Variants in LIN28A observed in about 807,000 individuals in gnomAD.
LIN28A encodes lin-28 RNA binding posttranscriptional regulator A.
Under a neutral mutation model 21.1 loss-of-function variants are expected in LIN28A, and 11 were observed. The ratio of observed to expected loss-of-function variants is 0.52; its 90% CI spans 0.33 to 0.86. The LOEUF is 0.86. Ranked by LOEUF, LIN28A falls within the 40% of genes least tolerant of loss-of-function variation. The pLI, the probability that LIN28A is intolerant of heterozygous loss-of-function variation, is 0.03. For synonymous variants in LIN28A, 111 were observed against 108.7 expected, an observed-to-expected ratio of 1.02 and a Z score of -0.13; for missense variants, 219 against 279.8, an observed-to-expected ratio of 0.78 and a Z score of 1.55.
rs567862344 is a variant in LIN28A, at chr1:26,411,549, G to T, written c.195G>T (p.Ala65=). ...FLSMTARAGV[A]LDPPVDVFVH... ...CCATGACCGCCCGCGCCGGGGTCGC[G>T]CTCGACCCCCCAGTGGATGTCTTTG... The change falls in exon 2 of 4, where the codon GCG becomes GCT. Residue 65 remains alanine (A), a synonymous_variant. Transcript: ENST00000326279. This position sits in a 1 kb window ranked among gnomAD's most constrained non-coding sequence, Gnocchi z 5.4. 5 of 1,613,670 alleles carry T rather than the reference G, an allele frequency of 3.1e-6. No individual in the cohort carries two copies. The East Asian group carries it at 6.7e-5, about 22-fold the overall frequency.
At chr1:26,414,006 T>C (rs1446786842) in intron 2 of LIN28A, among the ~76,000 whole-genome samples, 1 of 151,922 alleles carries the variant, frequency 6.6e-6, no homozygotes, top group African/African-American at 2.4e-5. Context: ...TTTTTGTATT[T>C]TTAGTAAAGA....
intron 2 of LIN28A, 123 bp from the exon 3 acceptor site, chr1:26,425,180 T>G: frequency 2.2e-6 from 2 of 923,066 alleles, no homozygotes; most frequent in South Asian, 3.5e-5. Flanking sequence ...TGAGTCAGTT[T>G]CCTTACCAGT....
intron 2 of LIN28A, among the ~76,000 whole-genome samples, chr1:26,414,462 A>C (rs1021948827): frequency 3.3e-5 from 5 of 152,266 alleles, no homozygotes; most frequent in Non-Finnish European, 7.4e-5. Flanking sequence ...CCTGTTAACT[A>C]ATGTTCTTAT....
intron 2 of LIN28A, among the ~76,000 whole-genome samples, chr1:26,422,010 C>CTT (rs35658483): frequency 0.44 from 62,434 of 142,800 alleles, 15,100 homozygotes; most frequent in Admixed American, 0.54. Flanking sequence ...GAATATTTAT[C>CTT]TTTTTTTTTT....
intron 2 of LIN28A, among the ~76,000 whole-genome samples, chr1:26,417,203 G>C (rs189519724): frequency 1.2e-4 from 18 of 152,332 alleles, no homozygotes; most frequent in South Asian, 2.1e-4. Context: ...CAGACAGGCT[G>C]AGCAGCGCCA....
At chr1:26,417,466 A>G (rs1037373729) in intron 2 of LIN28A, among the ~76,000 whole-genome samples, 1 of 152,250 alleles carries the variant, frequency 6.6e-6, no homozygotes, top group African/African-American at 2.4e-5. Context: ...AATCATTAAA[A>G]TTACTTTCAT....
rs777052489 is a variant in LIN28A at position 26,411,525 on chromosome 1, C to T, written c.171C>T (p.Ser57=). The T allele has an allele frequency of 6.2e-7, 1 of 1,614,068 alleles. No homozygotes were observed. The highest frequency in any genetic ancestry group is 1.1e-5 in the South Asian group (1 of 91,084). The change falls in exon 2 of 4, where the codon TCC becomes TCT. Residue 57 remains serine (S), a synonymous_variant. Coordinates refer to ENST00000326279, the MANE Select transcript of LIN28A (RefSeq NM_024674.6). The surrounding 1 kb of genome is among the most constrained non-coding windows in gnomAD (Gnocchi z 5.4). ...FNVRMGFGFL[S]MTARAGVALD... is the part of the protein sequence containing the mutation. ...TGCGCATGGGGTTCGGCTTCCTGTC[C>T]ATGACCGCCCGCGCCGGGGTCGCGC...
chr1:26,425,195 T>C, intron 2 of LIN28A, 108 bp from the exon 3 acceptor site: 3 of 1,066,128 alleles, frequency 2.8e-6, no homozygotes, highest in East Asian at 2.5e-5. Context: ...ACCAGTAAAA[T>C]AGGAGTACCA....
rs1201016616 is a variant in LIN28A at position 26,423,420 on chromosome 1, T to TTC, written c.229-1882_229-1881insCT. Among the ~76,000 whole-genome samples the TTC allele has an allele frequency of 4.7e-5, 5 of 105,976 alleles. No homozygotes were observed. The East Asian group carries it at 1.1e-3, about 24-fold the overall frequency. 69.5% of individuals were successfully genotyped at this position (105,976 alleles called of 152,430 possible). On this transcript the variant is annotated intron_variant, in intron 2 of 3. Transcript: ENST00000326279. ...TTCCTTTTTTTTCTTTTTCTTTTTTTTTTTTTTTTTTTTTTTGTTGTTGTT... is the reference window on the plus strand; with the variant it reads ...TTCCTTTTTTTTCTTTTTCTTTTTTTTCTTTTTTTTTTTTTTTTGTTGTTGTT...
chr1:26,422,724 T>C (rs983349650), intron 2 of LIN28A, among the ~76,000 whole-genome samples: 6 of 152,212 alleles, frequency 3.9e-5, no homozygotes, highest in African/African-American at 1.4e-4. Flanking sequence ...TTGCTGTTTT[T>C]CCCTTTGTAG....
At chr1:26,415,162 G>C (rs546625422) in intron 2 of LIN28A, among the ~76,000 whole-genome samples, 1 of 152,146 alleles carries the variant, frequency 6.6e-6, no homozygotes, top group Non-Finnish European at 1.5e-5. Context: ...AGAAGACTTG[G>C]AGTCAAAAGC....
chr1:26,413,594 G>C (rs1316887901), intron 2 of LIN28A, among the ~76,000 whole-genome samples: 1 of 152,022 alleles, frequency 6.6e-6, no homozygotes, highest in Non-Finnish European at 1.5e-5. Context: ...AGGGAGCTGA[G>C]CTGGAAGAGA....
At position 26,411,721 on chromosome 1, in the gene LIN28A, A is replaced by G. The variant is rs1008971294; in HGVS notation, c.228+139A>G. 1.5e-5 allele frequency: 12 copies of G among 796,980 alleles called. No individual in the cohort carries two copies. The highest frequency in any genetic ancestry group is 1.1e-4 in the East Asian group (4 of 35,852). The allele number at this position is 796,980 out of a possible 1,614,324, so 49.4% of individuals were successfully genotyped here. A position where few individuals can be genotyped will look rare whatever the true frequency, so the allele number is the denominator to read the frequency against. On this transcript the variant is annotated intron_variant, in intron 2 of 3. Transcript: ENST00000326279. The surrounding 1 kb of genome is among the most constrained non-coding windows in gnomAD (Gnocchi z 5.4). ...TCCCTGTCTTTGCTTCGGCACCCCAATTCTGAGTCCCTGTTAACTATCTCG... is the reference window on the plus strand; with the variant it reads ...TCCCTGTCTTTGCTTCGGCACCCCAGTTCTGAGTCCCTGTTAACTATCTCG...
rs542346450 is a variant in LIN28A at position 26,411,188 on chromosome 1, G to A, written c.32-198G>A. On this transcript the variant is annotated intron_variant, in intron 1 of 3. Transcript: ENST00000326279. This position sits in a 1 kb window ranked among gnomAD's most constrained non-coding sequence, Gnocchi z 5.4. ...TGTGGGAAGAGGAGCAAAACTTTCG[G>A]GGCACTACTGTCCCGGTGTACGCTA... Among the ~76,000 whole-genome samples, 7 of 152,358 alleles carry A rather than the reference G, an allele frequency of 4.6e-5. No individual in the cohort carries two copies. The highest frequency in any genetic ancestry group is 1.7e-4 in the African/African-American group (7 of 41,580).
At position 26,429,308 on chromosome 1, in the gene LIN28A, A is replaced by C. The variant is rs1459249133; in HGVS notation, c.*2850A>C. On this transcript the variant is annotated 3_prime_UTR_variant, in exon 4 of 4. Coordinates refer to ENST00000326279, the MANE Select transcript of LIN28A (RefSeq NM_024674.6). The stretch of plus-strand genomic sequence containing the variant: ...TGGGGTCAGGAGGCCAAGAAAGGGA[A>C]TATGAATGTATATCCAAGTCACTCA... 3 of 152,694 alleles carry C rather than the reference A, an allele frequency of 2.0e-5. No homozygotes were observed. The highest frequency in any genetic ancestry group is 4.4e-5 in the Non-Finnish European group (3 of 68,082). 9.5% of individuals were successfully genotyped at this position (152,694 alleles called of 1,614,324 possible).
chr1:26,419,589 C>T (rs1175410455), intron 2 of LIN28A, among the ~76,000 whole-genome samples: 1 of 152,136 alleles, frequency 6.6e-6, no homozygotes, highest in Non-Finnish European at 1.5e-5. Flanking sequence ...ACCCACGCCA[C>T]CCAGTGTGAA....
intron 2 of LIN28A, among the ~76,000 whole-genome samples, chr1:26,422,071 T>C (rs1275641882): frequency 6.6e-6 from 1 of 151,838 alleles, no homozygotes; most frequent in African/African-American, 2.4e-5. Flanking sequence ...CACAGTTGTG[T>C]GATCTCTGCT....
chr1:26,424,565 CTTTTA>C lies in LIN28A; in HGVS notation c.229-729_229-725del, dbSNP rs774596925. Reference sequence around the variant, plus strand: ...GAGCCACCATGCCCAGCTATTTTTACTTTTATTTTATTTATTTATTTTTGAGACGA... The same window carrying C: ...GAGCCACCATGCCCAGCTATTTTTACTTTTATTTATTTATTTTTGAGACGA... On this transcript the variant is annotated intron_variant, in intron 2 of 3. Coordinates refer to ENST00000326279, the MANE Select transcript of LIN28A (RefSeq NM_024674.6). Among the ~76,000 whole-genome samples the C allele has an allele frequency of 4.7e-3, 719 of 152,102 alleles. 2 individuals are homozygous for C. The highest frequency in any genetic ancestry group is 7.6e-3 in the Non-Finnish European group (515 of 67,952).
chr1:26,422,237 T>C (rs983423292), intron 2 of LIN28A, among the ~76,000 whole-genome samples: 1 of 151,986 alleles, frequency 6.6e-6, no homozygotes, highest in Non-Finnish European at 1.5e-5. Context: ...CTCGAATTCC[T>C]GGGCTCAAGC....
Sources: allele counts gnomAD v4.1 joint callset (sites outside exome capture counted in the v4.1 genomes callset), GRCh38; gene constraint gnomAD v4.1.1; non-coding constraint Gnocchi (gnomAD v3.1); transcripts MANE v1.5; gene names NCBI Gene and HGNC (gene_info 2026-07-23, HGNC 2026-07-21).